KAZN: variants seen among roughly 807,000 people sequenced by gnomAD.
KAZN encodes kazrin.
In KAZN, 40 loss-of-function variants were observed where a neutral mutation model predicts 87.4. That is an observed-to-expected ratio of 0.46 (90% confidence interval 0.36 to 0.60). The LOEUF (loss-of-function observed/expected upper bound fraction) is 0.60. Ranked by LOEUF, KAZN falls within the 20% of genes least tolerant of loss-of-function variation. The pLI is 0.00. For synonymous variants in KAZN, 466 were observed against 458.3 expected (o/e 1.02, Z -0.22); for missense variants, 898 against 1,073.9 (o/e 0.84, Z 2.29).
At chr1:14,331,280 G>A (rs6691067) in intron 2 of KAZN, among the ~76,000 whole-genome samples, 90 of 152,242 alleles carry the variant, frequency 5.9e-4, no homozygotes, top group African/African-American at 2.0e-3. Context: ...TGCATGGATA[G>A]CCCACCCCTA....
intron 1 of KAZN, among the ~76,000 whole-genome samples, chr1:14,088,368 T>G (rs907512431): frequency 1.3e-5 from 2 of 151,946 alleles, no homozygotes; most frequent in Non-Finnish European, 2.9e-5. Flanking sequence ...TATTTTATAA[T>G]TTTATTATTT....
At chr1:14,325,058 C>T (rs186633944) in intron 2 of KAZN, among the ~76,000 whole-genome samples, 110 of 152,270 alleles carry the variant, frequency 7.2e-4, no homozygotes, top group African/African-American at 2.3e-3. Context: ...TAGCTGAAAG[C>T]GGGGGAACGA....
At chr1:14,871,050 C>T (rs901373649) in intron 1 of KAZN, among the ~76,000 whole-genome samples, 1 of 152,180 alleles carries the variant, frequency 6.6e-6, no homozygotes, top group Non-Finnish European at 1.5e-5. Flanking sequence ...TCCAGGCCCA[C>T]CTGATCTCCA....
At chr1:14,952,920 G>A (rs72871887) in intron 1 of KAZN, among the ~76,000 whole-genome samples, 4,133 of 152,226 alleles carry the variant, frequency 0.027, 172 homozygotes, top group African/African-American at 0.082. Flanking sequence ...AATGTTTACC[G>A]CAGGCCTGAG....
intron 2 of KAZN, among the ~76,000 whole-genome samples, chr1:14,409,886 G>A (rs1456966792): frequency 6.6e-6 from 1 of 152,126 alleles, no homozygotes; most frequent in Non-Finnish European, 1.5e-5. Context: ...ATACTCTAAG[G>A]AGGAAAGTAG....
intron 1 of KAZN, among the ~76,000 whole-genome samples, chr1:14,828,879 G>A (rs569166750): frequency 3.9e-4 from 60 of 152,204 alleles, no homozygotes; most frequent in African/African-American, 1.4e-3. Flanking sequence ...CCCATTTCAG[G>A]CAGGAAGAAG....
chr1:15,099,270 G>A lies in KAZN; in HGVS notation c.1548-2273G>A, dbSNP rs535684512. ...AGGAAGCATTCAATCAGTGTCTACTGTGCACGTAGACTGTGCTGTTTGGCA... is the reference window on the plus strand; with the variant it reads ...AGGAAGCATTCAATCAGTGTCTACTATGCACGTAGACTGTGCTGTTTGGCA... On this transcript the variant is annotated intron_variant, in intron 10 of 14. Coordinates refer to ENST00000376030, the MANE Select transcript of KAZN (RefSeq NM_201628.3). This position sits in a 1 kb window ranked among gnomAD's most constrained non-coding sequence, Gnocchi z 5.4. 5.6e-4 allele frequency among the ~76,000 whole-genome samples: 86 copies of A among 152,324 alleles called. No individual in the cohort carries two copies. Among genetic ancestry groups the A allele is most frequent in the African/African-American group, 2.0e-3 (84 of 41,574 alleles).
chr1:14,091,011 C>T (rs1400738266), intron 1 of KAZN, among the ~76,000 whole-genome samples: 1 of 148,862 alleles, frequency 6.7e-6, no homozygotes, highest in African/African-American at 2.5e-5. Context: ...ACTCAGGAGG[C>T]TGAGGCAGGA....
At chr1:14,380,262 G>A (rs1045876078) in intron 2 of KAZN, among the ~76,000 whole-genome samples, 24 of 152,116 alleles carry the variant, frequency 1.6e-4, no homozygotes, top group African/African-American at 5.6e-4. Flanking sequence ...GTACAAACAA[G>A]CCCAGATAGA....
intron 2 of KAZN, among the ~76,000 whole-genome samples, chr1:14,526,800 C>G (rs1037162822): frequency 1.3e-5 from 2 of 152,120 alleles, no homozygotes; most frequent in African/African-American, 4.8e-5. Context: ...TGTTCTCCCC[C>G]GCTGCTCAAT....
chr1:13,960,999 C>T (rs1641729086), intron 1 of KAZN, among the ~76,000 whole-genome samples: 1 of 152,184 alleles, frequency 6.6e-6, no homozygotes. Flanking sequence ...TGAGCATCTA[C>T]TGTATGCCAG....
intron 7 of KAZN, among the ~76,000 whole-genome samples, 161 bp downstream of exon 7, chr1:15,063,783 G>A (rs1321174454): frequency 3.3e-5 from 5 of 151,284 alleles, no homozygotes; most frequent in Non-Finnish European, 5.9e-5. Flanking sequence ...CACCCAAGGC[G>A]GAGAGGATTT....
intron 1 of KAZN, among the ~76,000 whole-genome samples, chr1:14,821,663 C>T (rs148331655): frequency 3.3e-5 from 5 of 152,070 alleles, no homozygotes; most frequent in Non-Finnish European, 5.9e-5. Flanking sequence ...AGAAGACAGC[C>T]GTCTACAAGC....
intron 1 of KAZN, among the ~76,000 whole-genome samples, chr1:14,744,340 C>A (rs1276961447): frequency 6.6e-6 from 1 of 152,192 alleles, no homozygotes; most frequent in Non-Finnish European, 1.5e-5. Context: ...AATCAAGGTC[C>A]AGTGAGGTTA....
intron 1 of KAZN, among the ~76,000 whole-genome samples, chr1:14,941,675 C>A (rs1661098518): frequency 6.6e-6 from 1 of 152,160 alleles, no homozygotes; most frequent in African/African-American, 2.4e-5. Flanking sequence ...CTCCAGAGAT[C>A]AGGAGCAGGG....
chr1:14,416,674 T>G (rs1454569674), intron 2 of KAZN, among the ~76,000 whole-genome samples: 2 of 152,028 alleles, frequency 1.3e-5, no homozygotes, highest in East Asian at 3.9e-4. Context: ...GAGACAGAGG[T>G]TGCAGTGAGC....
At chr1:15,092,052 G>GTTTTTTTTTTTTTTTTTTTTTTTTTTT (rs1182724737) in intron 8 of KAZN, among the ~76,000 whole-genome samples, 4 of 82,644 alleles carry the variant, frequency 4.8e-5, no homozygotes, top group African/African-American at 2.2e-4. Flanking sequence ...CAGAGGTTTT[G>GTTTTTTTTTTTTTTTTTTTTTTTTTTT]TTTTTTTGTT....
intron 2 of KAZN, among the ~76,000 whole-genome samples, chr1:14,456,442 T>C (rs1667571176): frequency 1.3e-5 from 2 of 152,212 alleles, no homozygotes; most frequent in South Asian, 4.1e-4. Flanking sequence ...TTGAAGCTTT[T>C]ATTTGTAGAC....
At chr1:14,655,345 T>C (rs1485683284) in intron 1 of KAZN, among the ~76,000 whole-genome samples, 1 of 152,224 alleles carries the variant, frequency 6.6e-6, no homozygotes, top group Non-Finnish European at 1.5e-5. Flanking sequence ...GGCATTGGGT[T>C]ACATTGTAAC....
Sources: gnomAD v4.1 joint callset for allele counts (sites outside exome capture counted in the v4.1 genomes callset) on GRCh38, gnomAD v4.1.1 for gene constraint, Gnocchi (gnomAD v3.1) non-coding constraint, MANE v1.5 for transcripts, NCBI Gene and HGNC (gene_info 2026-07-23, HGNC 2026-07-21) for gene names.